OXR1: variants seen among roughly 807,000 people sequenced by gnomAD.
The protein encoded by OXR1 is oxidation resistance 1.
A neutral mutation model predicts 104.6 loss-of-function variants in OXR1; 41 were observed. The ratio of observed to expected loss-of-function variants is 0.39; its 90% CI spans 0.31 to 0.51. OXR1 has a LOEUF of 0.51. Ranked by LOEUF, OXR1 falls within the 20% of genes least tolerant of loss-of-function variation. OXR1 has a pLI of 0.77. For missense variants in OXR1, 955 were observed against 1,031.9 expected, an observed-to-expected ratio of 0.93 and a Z score of 1.02; for synonymous variants, 348 against 348.4, an observed-to-expected ratio of 1.00 and a Z score of 0.01.
rs1233299130 is a variant in OXR1, at chr8:106,551,852, G to GTA, written c.220+32721_220+32722dup. ...CATATATATATGTGTACATATATGTGTATATATATGTGTGTGTGTGTGTGT... is the reference window on the plus strand; with the variant it reads ...CATATATATATGTGTACATATATGTGTATATATATATGTGTGTGTGTGTGTGT... On this transcript the variant is annotated intron_variant, in intron 3 of 16. Transcript: ENST00000517566. 2.0e-3 allele frequency among the ~76,000 whole-genome samples: 216 copies of GTA among 107,462 alleles called. 1 individual carries two copies. The highest frequency in any genetic ancestry group is 7.1e-3 in the African/African-American group (193 of 27,340). The allele number at this position is 107,462 out of a possible 152,430, so 70.5% of individuals were successfully genotyped here.
At chr8:106,376,745 T>C (rs1816920608) in intron 2 of OXR1, among the ~76,000 whole-genome samples, 1 of 152,202 alleles carries the variant, frequency 6.6e-6, no homozygotes, top group Non-Finnish European at 1.5e-5. Flanking sequence ...TGTGCTTTCA[T>C]AGATCTAAGA....
chr8:106,547,401 T>G (rs1196470148), intron 3 of OXR1, among the ~76,000 whole-genome samples: 3 of 152,136 alleles, frequency 2.0e-5, no homozygotes, highest in African/African-American at 7.2e-5. Flanking sequence ...CACCCAGCAT[T>G]TGTTCATTTG....
At chr8:106,478,610 T>C (rs2129720265) in intron 2 of OXR1, among the ~76,000 whole-genome samples, 1 of 151,926 alleles carries the variant, frequency 6.6e-6, no homozygotes, top group Middle Eastern at 3.4e-3. Flanking sequence ...ATACTGGACT[T>C]AGTTAAATCC....
intron 3 of OXR1, among the ~76,000 whole-genome samples, chr8:106,644,244 G>T (rs1030304295): frequency 6.6e-6 from 1 of 152,170 alleles, no homozygotes; most frequent in Admixed American, 6.5e-5. Context: ...AAAGGTAAAT[G>T]AATAGTTTCG....
At chr8:106,662,885 A>G (rs1825911202) in intron 3 of OXR1, among the ~76,000 whole-genome samples, 1 of 151,218 alleles carries the variant, frequency 6.6e-6, no homozygotes, top group Non-Finnish European at 1.5e-5. Flanking sequence ...TGATACTTGT[A>G]GTAATAACAG....
intron 3 of OXR1, among the ~76,000 whole-genome samples, chr8:106,629,422 G>A (rs1453010142): frequency 6.6e-6 from 1 of 152,088 alleles, no homozygotes; most frequent in Non-Finnish European, 1.5e-5. Flanking sequence ...TCTATGAATA[G>A]GGCTTGGATC....
intron 3 of OXR1, among the ~76,000 whole-genome samples, chr8:106,529,783 A>C (rs927061660): frequency 3.3e-5 from 5 of 152,220 alleles, no homozygotes; most frequent in Non-Finnish European, 7.4e-5. Flanking sequence ...TCTGAGCTAC[A>C]GCCTAATAGT....
intron 2 of OXR1, among the ~76,000 whole-genome samples, chr8:106,518,661 C>G (rs73309300): frequency 6.6e-6 from 1 of 152,012 alleles, no homozygotes; most frequent in Non-Finnish European, 1.5e-5. Context: ...TTATCTTTGA[C>G]ACTATATTTT....
At chr8:106,456,849 A>G (rs1235883925) in intron 2 of OXR1, among the ~76,000 whole-genome samples, 1 of 152,106 alleles carries the variant, frequency 6.6e-6, no homozygotes, top group Non-Finnish European at 1.5e-5. Context: ...ATAAAGAAAC[A>G]TGTGTGTGCA....
At chr8:106,648,803 GATA>G (rs967896890) in intron 3 of OXR1, among the ~76,000 whole-genome samples, 1 of 152,114 alleles carries the variant, frequency 6.6e-6, no homozygotes, top group African/African-American at 2.4e-5. Context: ...TTTTTCAACA[GATA>G]ATAATAAATT....
chr8:106,283,539 A>T (rs1470506192), intron 1 of OXR1, among the ~76,000 whole-genome samples: 1 of 152,164 alleles, frequency 6.6e-6, no homozygotes, highest in African/African-American at 2.4e-5. Context: ...CTATACTCTT[A>T]TCTTTTAAAC....
chr8:106,657,916 C>G, intron 3 of OXR1: 10 of 1,247,082 alleles, frequency 8.0e-6, no homozygotes, highest in Non-Finnish European at 9.1e-6. Context: ...GGTGGGCGCG[C>G]TAGTGGTGGC....
intron 1 of OXR1, among the ~76,000 whole-genome samples, chr8:106,336,309 T>C (rs1025158418): frequency 1.3e-5 from 2 of 152,118 alleles, no homozygotes; most frequent in Non-Finnish European, 2.9e-5. Flanking sequence ...CAGACTTTCA[T>C]TGTGTGGTTT....
chr8:106,283,399 T>G (rs1812368939), intron 1 of OXR1, among the ~76,000 whole-genome samples: 1 of 152,214 alleles, frequency 6.6e-6, no homozygotes, highest in African/African-American at 2.4e-5. Context: ...CAACCTCATG[T>G]GTCTGTGGAT....
At chr8:106,692,477 A>G (rs552121904) in intron 6 of OXR1, among the ~76,000 whole-genome samples, 1 of 152,184 alleles carries the variant, frequency 6.6e-6, no homozygotes, top group South Asian at 2.1e-4. Flanking sequence ...ATTTATAGAT[A>G]TGTGTATCTC....
intron 2 of OXR1, among the ~76,000 whole-genome samples, chr8:106,503,887 C>T (rs1267290928): frequency 1.3e-5 from 2 of 152,054 alleles, no homozygotes; most frequent in African/African-American, 2.4e-5. Context: ...CTGTCAGAGC[C>T]CTGGGAAGGA....
rs571737185 is a variant in OXR1 at position 106,373,966 on chromosome 8, C to T, written c.23+14330C>T. ...TGATGTAATAGGAATTACTTAAAAT[C>T]GGCTCCTAGCCAAAGTAGTGTCAAT... On this transcript the variant is annotated intron_variant, in intron 2 of 16. Transcript: ENST00000517566. 6.0e-4 allele frequency among the ~76,000 whole-genome samples: 92 copies of T among 152,302 alleles called. 1 individual carries two copies. The highest frequency in any genetic ancestry group is 2.1e-3 in the African/African-American group (87 of 41,580).
At chr8:106,531,779 G>T (rs1814113179) in intron 3 of OXR1, among the ~76,000 whole-genome samples, 1 of 152,110 alleles carries the variant, frequency 6.6e-6, no homozygotes, top group African/African-American at 2.4e-5. Flanking sequence ...GTGCTGTTTG[G>T]GGTACAAAGT....
At chr8:106,436,006 T>C (rs2130575404) in intron 2 of OXR1, among the ~76,000 whole-genome samples, 1 of 152,266 alleles carries the variant, frequency 6.6e-6, no homozygotes, top group Non-Finnish European at 1.5e-5. Context: ...TCACCCTAGC[T>C]TTTTTGAAAT....
Sources: allele counts gnomAD v4.1 joint callset (sites outside exome capture counted in the v4.1 genomes callset), GRCh38; gene constraint gnomAD v4.1.1; transcripts MANE v1.5; gene names NCBI Gene and HGNC (gene_info 2026-07-23, HGNC 2026-07-21).